Variants in SLC28A1 observed in about 807,000 individuals in gnomAD.
SLC28A1 encodes solute carrier family 28 member 1.
A neutral mutation model predicts 74.8 loss-of-function variants in SLC28A1; 64 were observed. The observed-to-expected ratio is 0.86, with a 90% CI of 0.70 to 1.05. SLC28A1 has a LOEUF of 1.05. SLC28A1 is among the 50% of genes least tolerant of loss of function. The pLI is 0.00. For synonymous variants in SLC28A1, 359 were observed against 335.0 expected (o/e 1.07, Z -0.78); for missense variants, 828 against 822.8 (o/e 1.01, Z -0.08).
chr15:84,944,573 G>A lies in SLC28A1; in HGVS notation c.1671G>A (p.Met557Ile), dbSNP rs747152727. 1.2e-6 allele frequency: 2 copies of A among 1,612,666 alleles called. No homozygotes were observed. Among genetic ancestry groups the A allele is most frequent in the East Asian group, 4.5e-5 (2 of 44,894 alleles). The change falls in exon 17 of 19, where the codon ATG (methionine) becomes ATA (isoleucine). Residue 557 changes from methionine (M) to isoleucine (I), a missense_variant. Coordinates refer to ENST00000394573, the MANE Select transcript of SLC28A1 (RefSeq NM_004213.5). Reference protein sequence around the residue: ...IGIMLGGLTSMVPQRKSDFSQ... With the variant: ...IGIMLGGLTSIVPQRKSDFSQ... Reference sequence around the variant, plus strand: ...ACTTCTGTCCCCTTGCAGCCTCCATGGTCCCCCAACGGAAGAGCGACTTCT... The same window carrying A: ...ACTTCTGTCCCCTTGCAGCCTCCATAGTCCCCCAACGGAAGAGCGACTTCT...
chr15:84,915,357 C>A (rs1231396440), intron 9 of SLC28A1, among the ~76,000 whole-genome samples: 1 of 152,210 alleles, frequency 6.6e-6, no homozygotes, highest in African/African-American at 2.4e-5. Context: ...GCTGCCCGGG[C>A]AGAATCTCCA....
At chr15:84,935,944 GGTT>G (rs1291900647) in intron 15 of SLC28A1, among the ~76,000 whole-genome samples, 6 of 90,104 alleles carry the variant, frequency 6.7e-5, no homozygotes, top group Non-Finnish European at 1.0e-4. Flanking sequence ...GTTTTGGTTT[GGTT>G]TTTGTTTTTT....
intron 11 of SLC28A1, among the ~76,000 whole-genome samples, chr15:84,921,745 A>C (rs1462635713): frequency 6.6e-6 from 1 of 152,162 alleles, no homozygotes; most frequent in East Asian, 1.9e-4. Context: ...TGTTGATTTG[A>C]AAGTTTTTGT....
intron 9 of SLC28A1, among the ~76,000 whole-genome samples, chr15:84,913,323 C>T (rs1052591438): frequency 6.6e-6 from 1 of 152,194 alleles, no homozygotes; most frequent in Non-Finnish European, 1.5e-5. Context: ...TTTGCCCAGA[C>T]AGCCTTAGAA....
intron 12 of SLC28A1, among the ~76,000 whole-genome samples, chr15:84,928,535 T>G (rs71408847): frequency 0.51 from 10,642 of 20,980 alleles, 1,497 homozygotes; most frequent in East Asian, 0.66. Context: ...TCGTTCTTTC[T>G]TTCTTTCTTT....
chr15:84,895,531 G>A, intron 6 of SLC28A1: 2 of 1,557,100 alleles, frequency 1.3e-6, no homozygotes, highest in East Asian at 2.4e-5. Flanking sequence ...TTAGCCTCCA[G>A]GGGATTCTGA....
rs995784179 is a variant in SLC28A1 at position 84,887,421 on chromosome 15, C to T, written c.-16-324C>T. Reference sequence around the variant, plus strand: ...GGGTGCAGGCTGGGGTGGTGGCGCACGCCTGTAATCCCAACACTTTGGGAG... The same window carrying T: ...GGGTGCAGGCTGGGGTGGTGGCGCATGCCTGTAATCCCAACACTTTGGGAG... On this transcript the variant is annotated intron_variant, in intron 2 of 18. Transcript: ENST00000394573. 2.1e-5 allele frequency: 21 copies of T among 983,798 alleles called. No individual in the cohort carries two copies. The Admixed American group carries it at 2.5e-4, about 12-fold the overall frequency. 60.9% of individuals were successfully genotyped at this position (983,798 alleles called of 1,614,324 possible).
Position 84,945,380 on chromosome 15 carries a change from G to A in SLC28A1, c.*180G>A. ...GTGCAGAGAGTGAGTGAGGACATAA[G>A]GAAGGACATGTCCCACTCCATCCCC... On this transcript the variant is annotated 3_prime_UTR_variant, in exon 19 of 19. Coordinates refer to ENST00000394573, the MANE Select transcript of SLC28A1 (RefSeq NM_004213.5). 1.5e-6 allele frequency: 1 copy of A among 665,162 alleles called. No individual in the cohort carries two copies. Among genetic ancestry groups the A allele is most frequent in the Non-Finnish European group, 2.8e-6 (1 of 362,052 alleles). The allele number at this position is 665,162 out of a possible 1,614,324, so 41.2% of individuals were successfully genotyped here.
At chr15:84,912,448 C>T (rs1387537184) in intron 9 of SLC28A1, among the ~76,000 whole-genome samples, 1 of 152,150 alleles carries the variant, frequency 6.6e-6, no homozygotes, top group Non-Finnish European at 1.5e-5. Flanking sequence ...CCTAGGGCTT[C>T]TTCAGCCCTC....
chr15:84,968,225 T>C, the SLC28A1 span, among the ~76,000 whole-genome samples: 1 of 152,230 alleles, frequency 6.6e-6, no homozygotes, highest in East Asian at 1.9e-4. Context: ...CAGTTTCCTC[T>C]TCTGCAGCAT....
At chr15:84,911,641 C>G (rs769079600) in intron 9 of SLC28A1, among the ~76,000 whole-genome samples, 20 of 152,064 alleles carry the variant, frequency 1.3e-4, no homozygotes, top group Non-Finnish European at 2.9e-4. Context: ...GTGGTTCGAT[C>G]GCTTGAGTTC....
At chr15:84,921,462 CT>C (rs1969825965) in intron 11 of SLC28A1, among the ~76,000 whole-genome samples, 1 of 150,926 alleles carries the variant, frequency 6.6e-6, no homozygotes, top group Non-Finnish European at 1.5e-5. Context: ...GTTTTTTCCA[CT>C]GCATCATTTT....
chr15:84,900,956 G>T (rs1966623203), intron 6 of SLC28A1, among the ~76,000 whole-genome samples: 1 of 152,090 alleles, frequency 6.6e-6, no homozygotes, highest in African/African-American at 2.4e-5. Flanking sequence ...AGGTGTGGTG[G>T]CTCACGCCTG....
the SLC28A1 span, among the ~76,000 whole-genome samples, chr15:84,957,753 T>A: frequency 3.9e-5 from 6 of 152,224 alleles, no homozygotes; most frequent in Admixed American, 6.5e-5. Context: ...GAAGTATGAG[T>A]CTTCCATCTT....
In SLC28A1 at chr15:84,935,420, C is replaced by T; in HGVS notation, c.1483C>T (p.Leu495=). 2.5e-6 allele frequency: 4 copies of T among 1,614,242 alleles called. No homozygotes were observed. The highest frequency in any genetic ancestry group is 3.4e-6 in the Non-Finnish European group (4 of 1,180,040). Reference sequence around the variant, plus strand: ...TGAGCTGCTGGGGATCAAGCTGTTTCTGAACGAGTTTGTGGCCTATCAAGA... The same window carrying T: ...TGAGCTGCTGGGGATCAAGCTGTTTTTGAACGAGTTTGTGGCCTATCAAGA... The part of the protein sequence containing the change: ...VAELLGIKLF[L]NEFVAYQDLS... Residue 495 remains leucine, a synonymous_variant, in exon 15 of 19, where the codon CTG becomes TTG. Transcript: ENST00000394573.
In SLC28A1 at chr15:84,944,931, G is replaced by A. The variant is rs1465949164; in HGVS notation, c.1874+64G>A. ...GTGATAGACAGAATGCCTGAGCGCTGGGGGGGATGCCTTTGGTACCAGGGT... is the reference window on the plus strand; with the variant it reads ...GTGATAGACAGAATGCCTGAGCGCTAGGGGGGATGCCTTTGGTACCAGGGT... On this transcript the variant is annotated intron_variant, in intron 18 of 18. Transcript: ENST00000394573. The A allele has an allele frequency of 4.2e-5, 51 of 1,224,514 alleles. No homozygotes were observed. In the Admixed American group the frequency reaches 8.7e-4, roughly 21 times the overall value. 75.9% of individuals were successfully genotyped at this position (1,224,514 alleles called of 1,614,324 possible).
At chr15:84,886,149 G>C (rs983724455) in intron 1 of SLC28A1, 11 of 985,220 alleles carry the variant, frequency 1.1e-5, no homozygotes, top group Admixed American at 1.2e-4. Context: ...ATTTAACAAA[G>C]ATGAAATGAA....
the SLC28A1 span, among the ~76,000 whole-genome samples, chr15:84,968,092 T>C: frequency 3.2e-4 from 49 of 152,258 alleles, no homozygotes; most frequent in African/African-American, 1.1e-3. Context: ...TTCTGAAGCC[T>C]GTACAGGTAA....
chr15:84,890,450 C>A lies in SLC28A1; in HGVS notation c.193C>A (p.Leu65Met). 5 of 1,608,464 alleles carry A rather than the reference C, an allele frequency of 3.1e-6. No individual in the cohort carries two copies. Among genetic ancestry groups the A allele is most frequent in the Non-Finnish European group, 3.4e-6 (4 of 1,178,574 alleles). Reference protein sequence around the residue: ...APKPFSRWRNLQPALRARSFC... With the variant: ...APKPFSRWRNMQPALRARSFC... The stretch of plus-strand genomic sequence containing the variant: ...TGCTGGTCTTGTTCCCAGGAGGAAC[C>A]TGCAGCCAGCCCTGAGAGCCAGAAG... The change falls in exon 5 of 19, where the codon CTG becomes ATG. Residue 65 changes from leucine to methionine, a missense_variant. Physicochemically the swap from Leu to Met is conservative, Grantham distance 15. This residue lies in a region of SLC28A1 where 767 missense variants were observed against 753.5 expected (regional missense o/e 1.02). Transcript: ENST00000394573.
Sources: gnomAD v4.1 joint callset for allele counts (sites outside exome capture counted in the v4.1 genomes callset) on GRCh38, gnomAD v4.1.1 for gene constraint, gnomAD v4.1.1 regional missense constraint, MANE v1.5 for transcripts, NCBI Gene and HGNC (gene_info 2026-07-23, HGNC 2026-07-21) for gene names.